Variants in SLC17A1 observed in about 807,000 individuals in gnomAD.
SLC17A1 encodes the protein sodium-dependent phosphate transport protein 1.
Under a neutral mutation model 53.5 loss-of-function variants are expected in SLC17A1, and 51 were observed. The ratio of observed to expected loss-of-function variants is 0.95; its 90% CI spans 0.76 to 1.20. SLC17A1 has a LOEUF of 1.20. Ranked by LOEUF, SLC17A1 falls within the 50% of genes most tolerant of loss-of-function variation. SLC17A1 has a pLI of 0.00. For synonymous variants in SLC17A1, 179 were observed against 198.8 expected, an observed-to-expected ratio of 0.90 and a Z score of 0.84; for missense variants, 538 against 568.2, an observed-to-expected ratio of 0.95 and a Z score of 0.54.
chr6:25,778,938 T>G, downstream of SLC17A1: 2 of 1,352,348 alleles, frequency 1.5e-6, no homozygotes, highest in Non-Finnish European at 2.1e-6. Flanking sequence ...GGGAAGCCCA[T>G]GGAAGCCAGA....
At chr6:25,768,355 C>T in the SLC17A1 span, 1 of 985,436 alleles carries the variant, frequency 1.0e-6, no homozygotes, top group Non-Finnish European at 1.2e-6. Flanking sequence ...ATGAATTCTT[C>T]CCGCTGTTGT....
At chr6:25,774,153 C>T in the SLC17A1 span, among the ~76,000 whole-genome samples, 210 of 152,212 alleles carry the variant, frequency 1.4e-3, 1 homozygote, top group Non-Finnish European at 2.4e-3. Flanking sequence ...CTTACATAGA[C>T]ATTTGCGGAG....
the SLC17A1 span, among the ~76,000 whole-genome samples, chr6:25,740,380 G>A: frequency 8.4e-4 from 119 of 142,066 alleles, no homozygotes; most frequent in African/African-American, 2.8e-3. Context: ...CATCTACAAA[G>A]TCATTTTTTT....
chr6:25,726,791 C>G, the SLC17A1 span: 9 of 1,310,220 alleles, frequency 6.9e-6, no homozygotes, highest in East Asian at 1.6e-4. Context: ...GTTTACTTGG[C>G]GAGACTTGGA....
the SLC17A1 span, chr6:25,761,782 G>C: frequency 1.8e-6 from 1 of 548,546 alleles, no homozygotes; most frequent in South Asian, 2.6e-5. Flanking sequence ...GTTAGTGATA[G>C]AGCCAGGATG....
At chr6:25,825,996 T>A (rs563369063) in intron 3 of SLC17A1, among the ~76,000 whole-genome samples, 1 of 152,198 alleles carries the variant, frequency 6.6e-6, no homozygotes, top group East Asian at 1.9e-4. Flanking sequence ...CTTTTTATAG[T>A]TTCCATCTCT....
chr6:25,726,013 CTGGT>C, the SLC17A1 span: 3 of 880,896 alleles, frequency 3.4e-6, no homozygotes, highest in Non-Finnish European at 3.4e-6. Context: ...AGTAAGATGG[CTGGT>C]TAACAGCAGT....
At chr6:25,801,888 G>C (rs934386730) in intron 10 of SLC17A1, among the ~76,000 whole-genome samples, 1 of 151,728 alleles carries the variant, frequency 6.6e-6, no homozygotes, top group African/African-American at 2.4e-5. Context: ...GGTAGGATTA[G>C]AGTTGTCTCT....
chr6:25,749,036 T>C, the SLC17A1 span, among the ~76,000 whole-genome samples: 4 of 152,288 alleles, frequency 2.6e-5, no homozygotes, highest in South Asian at 4.1e-4. Flanking sequence ...CTTCCTCTTT[T>C]ACTAATCCTC....
At chr6:25,776,148 C>CAA in the SLC17A1 span, among the ~76,000 whole-genome samples, 25 of 150,018 alleles carry the variant, frequency 1.7e-4, no homozygotes, top group Middle Eastern at 3.4e-3. Flanking sequence ...CAGAGCATGC[C>CAA]AAAAAAAAAT....
intron 11 of SLC17A1, among the ~76,000 whole-genome samples, chr6:25,799,566 A>G (rs1445132125): frequency 6.6e-6 from 1 of 152,188 alleles, no homozygotes; most frequent in Non-Finnish European, 1.5e-5. Flanking sequence ...CCCAGGCTTG[A>G]CTTCTGGTCA....
chr6:25,815,649 C>A (rs1164146604), intron 6 of SLC17A1, among the ~76,000 whole-genome samples: 1 of 152,092 alleles, frequency 6.6e-6, no homozygotes, highest in African/African-American at 2.4e-5. Context: ...AGCTCTCCTC[C>A]AGAGCTGACA....
chr6:25,748,323 A>C, the SLC17A1 span, among the ~76,000 whole-genome samples: 4 of 152,204 alleles, frequency 2.6e-5, no homozygotes, highest in African/African-American at 9.6e-5. Context: ...ACAATCCCAT[A>C]TGAGCAAGAA....
At chr6:25,750,076 C>A in the SLC17A1 span, among the ~76,000 whole-genome samples, 2 of 152,146 alleles carry the variant, frequency 1.3e-5, no homozygotes, top group East Asian at 1.9e-4. Flanking sequence ...TAGTGCAAGG[C>A]GTAGCATAGG....
the SLC17A1 span, among the ~76,000 whole-genome samples, chr6:25,765,551 GA>G: frequency 6.6e-6 from 1 of 152,078 alleles, no homozygotes; most frequent in Non-Finnish European, 1.5e-5. Context: ...TCTCAATAAT[GA>G]CAATAACAAT....
At chr6:25,804,390 G>A (rs1207319582) in intron 10 of SLC17A1, among the ~76,000 whole-genome samples, 1 of 152,004 alleles carries the variant, frequency 6.6e-6, no homozygotes, top group African/African-American at 2.4e-5. Context: ...ATGCTAAAAG[G>A]AGTTCTAAAT....
intron 8 of SLC17A1, 50 bp from the exon 9 acceptor site, chr6:25,811,820 C>G (rs1378990397): frequency 6.3e-7 from 1 of 1,599,762 alleles, no homozygotes; most frequent in Admixed American, 1.7e-5. Flanking sequence ...TAAAGCAGTA[C>G]TGACACACAG....
At chr6:25,785,747 T>C (rs556020527) in intron 12 of SLC17A1, among the ~76,000 whole-genome samples, 15 of 152,224 alleles carry the variant, frequency 9.9e-5, no homozygotes, top group Middle Eastern at 3.4e-3. Context: ...TAATTACTTA[T>C]TAGAGAAAAG....
the SLC17A1 span, among the ~76,000 whole-genome samples, chr6:25,745,120 T>C: frequency 6.6e-6 from 1 of 152,190 alleles, no homozygotes; most frequent in Non-Finnish European, 1.5e-5. Flanking sequence ...GTTTGCAGTC[T>C]GATTTTGTGA....
Sources: gnomAD v4.1 joint callset for allele counts (sites outside exome capture counted in the v4.1 genomes callset) on GRCh38, gnomAD v4.1.1 for gene constraint, MANE v1.5 for transcripts, NCBI Gene and HGNC (gene_info 2026-07-23, HGNC 2026-07-21) for gene names.